The following USP47 variants were observed in gnomAD, a reference collection of about 807,000 sequenced individuals.
The protein encoded by USP47 is ubiquitin carboxyl-terminal hydrolase 47.
Under a neutral mutation model 165.1 loss-of-function variants are expected in USP47, and 35 were observed. The observed-to-expected ratio is 0.21, with a 90% confidence interval of 0.16 to 0.28. The LOEUF (loss-of-function observed/expected upper bound fraction) is 0.28. Among genes scored for constraint, USP47 ranks in the 10% least tolerant of loss-of-function variants. USP47 has a pLI of 1.00. For synonymous variants in USP47, 531 were observed against 544.5 expected (o/e 0.98, Z 0.35); for missense variants, 1,277 against 1,607.4 (o/e 0.79, Z 3.52).
intron 1 of USP47, among the ~76,000 whole-genome samples, chr11:11,874,980 A>G (rs573280040): frequency 2.1e-4 from 32 of 151,994 alleles, no homozygotes; most frequent in African/African-American, 7.2e-4. Flanking sequence ...TCTAAGGCCT[A>G]ATTACTTAGC....
intron 21 of USP47, 119 bp downstream of exon 21, chr11:11,948,239 T>G (rs954096715): frequency 3.6e-5 from 43 of 1,202,944 alleles, no homozygotes; most frequent in Non-Finnish European, 4.7e-5. Flanking sequence ...TTTTTAATGA[T>G]TAATGGTAAT....
At chr11:11,904,901 T>C (rs1564872727) in intron 7 of USP47, among the ~76,000 whole-genome samples, 1 of 152,182 alleles carries the variant, frequency 6.6e-6, no homozygotes, top group African/African-American at 2.4e-5. Context: ...CATCTTGAGC[T>C]AGAGGATATG....
chr11:11,910,179 A>G (rs1264329584), intron 8 of USP47, among the ~76,000 whole-genome samples: 2 of 152,182 alleles, frequency 1.3e-5, no homozygotes, highest in Non-Finnish European at 2.9e-5. Context: ...AACCTTGAGC[A>G]TTATATGTAA....
At chr11:11,847,097 T>C (rs571494666) in intron 1 of USP47, among the ~76,000 whole-genome samples, 2 of 152,278 alleles carry the variant, frequency 1.3e-5, no homozygotes, top group African/African-American at 4.8e-5. Flanking sequence ...ATGAACAATT[T>C]AGGGTTAAAT....
chr11:11,887,021 C>G (rs139339167), intron 3 of USP47, among the ~76,000 whole-genome samples: 1 of 152,074 alleles, frequency 6.6e-6, no homozygotes, highest in Non-Finnish European at 1.5e-5. Flanking sequence ...CCTTTTCAGA[C>G]GAGCAAATGC....
intron 1 of USP47, chr11:11,878,563 G>T (rs953449047): frequency 6.6e-6 from 1 of 151,864 alleles, no homozygotes; most frequent in African/African-American, 2.4e-5. Flanking sequence ...ATAGGTGAAG[G>T]TTTTTTTATC....
intron 1 of USP47, among the ~76,000 whole-genome samples, chr11:11,860,580 CAG>C (rs893234715): frequency 1.3e-5 from 2 of 152,056 alleles, no homozygotes; most frequent in African/African-American, 2.4e-5. Context: ...TGCATGGTAA[CAG>C]ATAATATAAA....
rs1436653800 is a variant in USP47, at chr11:11,925,881, C to CATATAAGGCTTTCATTATGTTGAGGTA, written c.1386+2993_1386+3019dup. On this transcript the variant is annotated intron_variant, in intron 11 of 27. Transcript: ENST00000527733. ...AATATGATGGTAGCTGTGGGGTTTT[C>CATATAAGGCTTTCATTATGTTGAGGTA]ATATAAGGCTTTCATTATGTTGAGG... 2.0e-5 allele frequency among the ~76,000 whole-genome samples: 3 copies of CATATAAGGCTTTCATTATGTTGAGGTA among 152,204 alleles called. No individual in the cohort carries two copies. The East Asian group carries it at 5.8e-4, about 29-fold the overall frequency.
chr11:11,862,719 A>G (rs192474208), intron 1 of USP47, among the ~76,000 whole-genome samples: 1 of 152,172 alleles, frequency 6.6e-6, no homozygotes, highest in African/African-American at 2.4e-5. Context: ...GGATACAAGC[A>G]TAATTTTTTT....
chr11:11,889,403 C>T (rs544209699), intron 3 of USP47, among the ~76,000 whole-genome samples: 1 of 152,166 alleles, frequency 6.6e-6, no homozygotes, highest in East Asian at 1.9e-4. Context: ...TGCTAGTATT[C>T]CTGTATACCA....
chr11:11,854,052 G>A (rs560448246), intron 1 of USP47, among the ~76,000 whole-genome samples: 4 of 148,082 alleles, frequency 2.7e-5, no homozygotes, highest in East Asian at 4.0e-4. Flanking sequence ...GGAGAATGGC[G>A]TGAACCCAGA....
intron 20 of USP47, among the ~76,000 whole-genome samples, chr11:11,944,255 G>A (rs1223760335): frequency 6.6e-6 from 1 of 151,014 alleles, no homozygotes; most frequent in South Asian, 2.1e-4. Context: ...GGGAGGAGGT[G>A]CACAGTCACC....
intron 1 of USP47, among the ~76,000 whole-genome samples, chr11:11,864,365 T>G (rs1327954463): frequency 6.6e-6 from 1 of 152,170 alleles, no homozygotes; most frequent in Non-Finnish European, 1.5e-5. Flanking sequence ...TTTTTTAAAT[T>G]GTAAAATACA....
At chr11:11,887,956 A>G (rs537531033) in intron 3 of USP47, among the ~76,000 whole-genome samples, 1 of 152,314 alleles carries the variant, frequency 6.6e-6, no homozygotes, top group African/African-American at 2.4e-5. Flanking sequence ...CCTGCTCCCA[A>G]ATGACTCTTG....
chr11:11,867,287 G>C (rs1370347074), intron 1 of USP47, among the ~76,000 whole-genome samples: 1 of 152,018 alleles, frequency 6.6e-6, no homozygotes, highest in African/African-American at 2.4e-5. Context: ...GTCTTTCATT[G>C]GTTCCTGAAG....
intron 6 of USP47, 98 bp from the exon 7 acceptor site, chr11:11,903,165 G>C (rs990501752): frequency 1.7e-6 from 2 of 1,192,920 alleles, no homozygotes; most frequent in South Asian, 1.7e-5. Context: ...ATTATTTAAG[G>C]TAGACTTCAA....
intron 1 of USP47, among the ~76,000 whole-genome samples, chr11:11,873,590 C>A (rs934439587): frequency 7.2e-5 from 11 of 152,126 alleles, no homozygotes; most frequent in Non-Finnish European, 1.2e-4. Context: ...TGGCTATTTC[C>A]ATATTTATCT....
At chr11:11,842,353 G>C in intron 1 of USP47, 129 bp downstream of exon 1, 1 of 1,073,414 alleles carries the variant, frequency 9.3e-7, no homozygotes, top group East Asian at 2.8e-5. Context: ...GGAGGCGTGA[G>C]GCAGTCGGGG....
chr11:11,953,977 C>T (rs920924833), intron 25 of USP47, among the ~76,000 whole-genome samples: 4 of 152,014 alleles, frequency 2.6e-5, no homozygotes, highest in African/African-American at 7.2e-5. Context: ...AGGTTGGGTG[C>T]CATGGCTCAC....
Sources: allele counts gnomAD v4.1 joint callset (sites outside exome capture counted in the v4.1 genomes callset), GRCh38; gene constraint gnomAD v4.1.1; transcripts MANE v1.5; gene names NCBI Gene and HGNC (gene_info 2026-07-23, HGNC 2026-07-21).